RUSC2: variants seen among roughly 807,000 people sequenced by gnomAD.
RUSC2 encodes the protein RUN and SH3 domain containing 2.
RUSC2 carries 34 observed loss-of-function variants against 122.2 expected under a neutral mutation model. The ratio of observed to expected loss-of-function variants is 0.28; its 90% CI spans 0.21 to 0.37. The LOEUF is 0.37. Among genes scored for constraint, RUSC2 ranks in the 10% least tolerant of loss-of-function variants. The pLI, the probability that RUSC2 is intolerant of heterozygous loss-of-function variation, is 1.00. For synonymous variants in RUSC2, 784 were observed against 790.0 expected, an observed-to-expected ratio of 0.99 and a Z score of 0.13; for missense variants, 1,747 against 1,952.4, an observed-to-expected ratio of 0.89 and a Z score of 1.98.
At chr9:35,514,759 C>A (rs984335553) in intron 1 of RUSC2, among the ~76,000 whole-genome samples, 1 of 152,066 alleles carries the variant, frequency 6.6e-6, no homozygotes, top group East Asian at 1.9e-4. Context: ...CATTAGAGAC[C>A]CACACCCTTT....
At chr9:35,504,803 C>T (rs1024026410) in intron 1 of RUSC2, among the ~76,000 whole-genome samples, 1 of 152,022 alleles carries the variant, frequency 6.6e-6, no homozygotes, top group African/African-American at 2.4e-5. Context: ...AGTCACAGGA[C>T]AAATATGGCA....
chr9:35,555,757 C>T lies in RUSC2; in HGVS notation c.2656+56C>T. 6.5e-7 allele frequency: 1 copy of T among 1,537,676 alleles called. No homozygotes were observed. Among genetic ancestry groups the T allele is most frequent in the South Asian group, 1.2e-5 (1 of 82,186 alleles). Reference sequence around the variant, plus strand: ...CGCCACCTCACGCAAGCACTTCCACCACCTCCCCTTTGAGTGGTTGCTTAC... The same window carrying T: ...CGCCACCTCACGCAAGCACTTCCACTACCTCCCCTTTGAGTGGTTGCTTAC... On this transcript the variant is annotated intron_variant, in intron 3 of 11. Coordinates refer to ENST00000361226, the MANE Select transcript of RUSC2 (RefSeq NM_014806.5). This position sits in a 1 kb window ranked among gnomAD's most constrained non-coding sequence, Gnocchi z 4.6.
intron 1 of RUSC2, among the ~76,000 whole-genome samples, chr9:35,539,617 A>T (rs1425047386): frequency 1.3e-5 from 2 of 152,124 alleles, no homozygotes; most frequent in African/African-American, 2.4e-5. Flanking sequence ...ATAGACACAC[A>T]TACCATATCT....
chr9:35,491,086 A>G (rs188456330), intron 1 of RUSC2, among the ~76,000 whole-genome samples: 11 of 149,026 alleles, frequency 7.4e-5, no homozygotes, highest in Non-Finnish European at 1.5e-4. Flanking sequence ...CGTGATAAAG[A>G]ACACAGGCCT....
At chr9:35,529,207 T>C (rs954564388) in intron 1 of RUSC2, among the ~76,000 whole-genome samples, 3 of 152,134 alleles carry the variant, frequency 2.0e-5, no homozygotes, top group Admixed American at 1.3e-4. Context: ...ATAACTGTTA[T>C]TCTGGGGCAA....
At chr9:35,492,510 A>T (rs1820587092) in intron 1 of RUSC2, among the ~76,000 whole-genome samples, 1 of 151,912 alleles carries the variant, frequency 6.6e-6, no homozygotes, top group South Asian at 2.1e-4. Context: ...ATTTAATATA[A>T]TTTTTGTCAA....
rs183728111 is a variant in RUSC2 at position 35,558,350 on chromosome 9, G to A, written c.3214G>A (p.Val1072Ile). The A allele has an allele frequency of 1.2e-6, 2 of 1,614,164 alleles. No homozygotes were observed. The highest frequency in any genetic ancestry group is 2.2e-5 in the East Asian group (1 of 44,884). Residue 1072 changes from valine (V) to isoleucine (I), a missense_variant, in exon 7 of 12, where the codon GTT (valine) becomes ATT (isoleucine). Coordinates refer to ENST00000361226, the MANE Select transcript of RUSC2 (RefSeq NM_014806.5). The surrounding 1 kb of genome is among the most constrained non-coding windows in gnomAD (Gnocchi z 4.3). ...GCGTAAGAACATGCCATGGAGTGTG[G>A]TTGAGGCTTCCACACAGCTAGGTAG... is the stretch of plus-strand genomic sequence containing the variant. The part of the protein sequence containing the change: ...GQRKNMPWSV[V>I]EASTQLGPST...
chr9:35,525,157 A>T (rs1821301239), intron 1 of RUSC2, among the ~76,000 whole-genome samples: 1 of 152,124 alleles, frequency 6.6e-6, no homozygotes. Context: ...CTTTTCTCTG[A>T]GGTAGTTCAG....
chr9:35,507,273 G>A (rs1820932787), intron 1 of RUSC2, among the ~76,000 whole-genome samples: 1 of 152,132 alleles, frequency 6.6e-6, no homozygotes, highest in Non-Finnish European at 1.5e-5. Context: ...TAGTTCCTAA[G>A]CATTTATCCA....
chr9:35,535,108 T>C (rs1821495328), intron 1 of RUSC2, among the ~76,000 whole-genome samples: 1 of 152,148 alleles, frequency 6.6e-6, no homozygotes, highest in Non-Finnish European at 1.5e-5. Flanking sequence ...AATTACTTCT[T>C]TGTTGCCTAA....
intron 1 of RUSC2, among the ~76,000 whole-genome samples, chr9:35,542,132 A>G (rs1324044723): frequency 6.6e-6 from 1 of 152,184 alleles, no homozygotes; most frequent in East Asian, 1.9e-4. Context: ...TAGATGGCTG[A>G]ATTGGAATCG....
chr9:35,500,153 T>G (rs1450116074), intron 1 of RUSC2, among the ~76,000 whole-genome samples: 1 of 152,170 alleles, frequency 6.6e-6, no homozygotes, highest in Non-Finnish European at 1.5e-5. Context: ...CTTACTGTAT[T>G]AGTCTGTTTT....
At chr9:35,534,717 A>C (rs755595672) in intron 1 of RUSC2, among the ~76,000 whole-genome samples, 1 of 152,114 alleles carries the variant, frequency 6.6e-6, no homozygotes, top group Non-Finnish European at 1.5e-5. Flanking sequence ...TCCTGACCTG[A>C]AGTGATCTGC....
At chr9:35,552,847 A>G (rs117345731) in intron 2 of RUSC2, among the ~76,000 whole-genome samples, 1,623 of 152,364 alleles carry the variant, frequency 0.011, 19 homozygotes, top group Non-Finnish European at 0.017. Context: ...CCCTGAGGGT[A>G]GAACTAAGAC....
At chr9:35,535,534 C>CTTT (rs1174623935) in intron 1 of RUSC2, among the ~76,000 whole-genome samples, 17 of 130,094 alleles carry the variant, frequency 1.3e-4, no homozygotes, top group East Asian at 2.2e-4. Flanking sequence ...AGGAGCTTCT[C>CTTT]TTTTTTTTTT....
chr9:35,496,737 CCTT>C (rs1820722384), intron 1 of RUSC2, among the ~76,000 whole-genome samples: 1 of 152,142 alleles, frequency 6.6e-6, no homozygotes, highest in South Asian at 2.1e-4. Flanking sequence ...CAGGAGTACT[CCTT>C]CAACTGTCGC....
In RUSC2 at chr9:35,560,089, C is replaced by T; in HGVS notation, c.3449C>T (p.Pro1150Leu). 6.2e-7 allele frequency: 1 copy of T among 1,613,844 alleles called. No homozygotes were observed. The highest frequency in any genetic ancestry group is 1.1e-5 in the South Asian group (1 of 91,076). ...CTGAGTGCAGCTCATACCGTGTGTC[C>T]CGGCCTCTTTGAAGAGCTGCTGCTG... ...GFLSAAHTVC[P>L]GLFEELLLLL... Residue 1150 changes from proline (P) to leucine (L), a missense_variant, in exon 10 of 12, where the codon CCC (proline) becomes CTC (leucine). Coordinates refer to ENST00000361226, the MANE Select transcript of RUSC2 (RefSeq NM_014806.5).
chr9:35,556,676 A>G (rs1351418137), intron 5 of RUSC2, among the ~76,000 whole-genome samples: 1 of 152,128 alleles, frequency 6.6e-6, no homozygotes, highest in Non-Finnish European at 1.5e-5. Context: ...CACAAAAAAA[A>G]ATTAGCTGGG....
intron 1 of RUSC2, among the ~76,000 whole-genome samples, chr9:35,527,394 G>A (rs1295547149): frequency 6.6e-6 from 1 of 151,926 alleles, no homozygotes; most frequent in African/African-American, 2.4e-5. Context: ...CAAATTCCTG[G>A]CCTCAAGCAA....
Sources: allele counts gnomAD v4.1 joint callset (sites outside exome capture counted in the v4.1 genomes callset), GRCh38; gene constraint gnomAD v4.1.1; non-coding constraint Gnocchi (gnomAD v3.1); transcripts MANE v1.5; gene names NCBI Gene and HGNC (gene_info 2026-07-23, HGNC 2026-07-21).